DOCK2: variants seen among roughly 807,000 people sequenced by gnomAD.
DOCK2 encodes the protein dedicator of cytokinesis protein 2.
In DOCK2, 87 loss-of-function variants were observed where a neutral mutation model predicts 248.9. That is an observed-to-expected ratio of 0.35 (90% confidence interval 0.29 to 0.42). The LOEUF (loss-of-function observed/expected upper bound fraction) is 0.42. Among genes scored for constraint, DOCK2 ranks in the 10% least tolerant of loss-of-function variants. The pLI, the probability that DOCK2 is intolerant of heterozygous loss-of-function variation, is 1.00. For synonymous variants in DOCK2, 805 were observed against 821.6 expected, an observed-to-expected ratio of 0.98 and a Z score of 0.35; for missense variants, 1,747 against 2,300.2, an observed-to-expected ratio of 0.76 and a Z score of 4.92.
chr5:170,009,235 T>C (rs1330696960), intron 32 of DOCK2, among the ~76,000 whole-genome samples: 2 of 152,034 alleles, frequency 1.3e-5, no homozygotes, highest in Non-Finnish European at 2.9e-5. Context: ...GAATTCTGTG[T>C]GATTACCTGA....
intron 13 of DOCK2, 175 bp from the exon 14 acceptor site, chr5:169,702,128 C>T: frequency 3.3e-6 from 2 of 605,072 alleles, no homozygotes; most frequent in Non-Finnish European, 5.1e-6. Flanking sequence ...CCCCGTGTTA[C>T]CTACTTCTCC....
chr5:169,953,487 G>A (rs1213417237), intron 27 of DOCK2, among the ~76,000 whole-genome samples: 4 of 152,176 alleles, frequency 2.6e-5, no homozygotes, highest in Non-Finnish European at 4.4e-5. Flanking sequence ...ATGAAATGGA[G>A]GTCTTGGGGA....
chr5:169,925,578 T>TAAAAAAAAAAAAAAAAAAAA (rs1561828965), intron 27 of DOCK2, among the ~76,000 whole-genome samples: 1 of 32,324 alleles, frequency 3.1e-5, no homozygotes, highest in African/African-American at 1.3e-4. Flanking sequence ...AGACTCTGTC[T>TAAAAAAAAAAAAAAAAAAAA]TAAAAAAAAA....
intron 27 of DOCK2, among the ~76,000 whole-genome samples, chr5:169,946,284 G>A (rs1357958708): frequency 6.6e-6 from 1 of 152,180 alleles, no homozygotes; most frequent in Non-Finnish European, 1.5e-5. Context: ...ATCCAGCCCA[G>A]CCAGGGGTAT....
chr5:169,962,469 T>C (rs1264087495), intron 27 of DOCK2, among the ~76,000 whole-genome samples: 1 of 152,080 alleles, frequency 6.6e-6, no homozygotes, highest in East Asian at 1.9e-4. Flanking sequence ...AGCAAAGGTG[T>C]GAAGATGAAG....
intron 27 of DOCK2, among the ~76,000 whole-genome samples, chr5:169,879,765 T>A (rs1257433758): frequency 6.6e-6 from 1 of 152,194 alleles, no homozygotes; most frequent in African/African-American, 2.4e-5. Context: ...GGCCATTTAA[T>A]TAAAGACCCT....
At chr5:169,807,424 T>C (rs1767448151) in intron 26 of DOCK2, among the ~76,000 whole-genome samples, 1 of 152,176 alleles carries the variant, frequency 6.6e-6, no homozygotes, top group African/African-American at 2.4e-5. Context: ...ACCATTGCTC[T>C]AATATGACCT....
intron 40 of DOCK2, among the ~76,000 whole-genome samples, chr5:170,049,800 G>A (rs1756850266): frequency 6.6e-6 from 1 of 152,188 alleles, no homozygotes. Context: ...GACTAACATG[G>A]TCAGGAAGGA....
At chr5:169,642,196 C>T (rs1414400500) in intron 1 of DOCK2, among the ~76,000 whole-genome samples, 1 of 152,244 alleles carries the variant, frequency 6.6e-6, no homozygotes, top group Non-Finnish European at 1.5e-5. Flanking sequence ...GAGAGCATCA[C>T]TCACTCATTA....
intron 35 of DOCK2, 37 bp downstream of exon 35, chr5:170,034,592 C>A: frequency 6.2e-7 from 1 of 1,609,960 alleles, no homozygotes; most frequent in Non-Finnish European, 8.5e-7. Context: ...AGACCAGAAC[C>A]CTGTGGGGGG....
At chr5:169,796,824 GAGA>G (rs1766683754) in intron 25 of DOCK2, among the ~76,000 whole-genome samples, 1 of 152,300 alleles carries the variant, frequency 6.6e-6, no homozygotes, top group African/African-American at 2.4e-5. Context: ...AAAAATTCAG[GAGA>G]AGGAGAGAGT....
intron 27 of DOCK2, chr5:169,884,038 T>A (rs1772828891): frequency 4.2e-6 from 3 of 711,710 alleles, no homozygotes; most frequent in Non-Finnish European, 2.1e-6. Context: ...CCTCTTAGTA[T>A]GGGAAATCCT....
chr5:169,697,805 C>T (rs1453558463), intron 10 of DOCK2, among the ~76,000 whole-genome samples: 1 of 152,124 alleles, frequency 6.6e-6, no homozygotes, highest in Non-Finnish European at 1.5e-5. Context: ...TCTATAATCC[C>T]CATTCTAGTG....
At chr5:170,019,943 T>G (rs1335403403) in intron 33 of DOCK2, among the ~76,000 whole-genome samples, 1 of 152,116 alleles carries the variant, frequency 6.6e-6, no homozygotes, top group African/African-American at 2.4e-5. Context: ...CCAGTGCATC[T>G]ACCTCTTATT....
At chr5:169,823,605 T>C (rs1768629890) in intron 26 of DOCK2, among the ~76,000 whole-genome samples, 1 of 152,194 alleles carries the variant, frequency 6.6e-6, no homozygotes, top group South Asian at 2.1e-4. Context: ...AAATTAGGTA[T>C]TGATGGGACG....
chr5:169,716,087 G>A (rs112131138), intron 19 of DOCK2, 126 bp from the exon 20 acceptor site: 15 of 846,114 alleles, frequency 1.8e-5, no homozygotes, highest in South Asian at 6.7e-5. Flanking sequence ...TACTCTAGAC[G>A]TTTTGAGCAT....
chr5:169,683,645 A>G (rs1759795369), intron 7 of DOCK2, among the ~76,000 whole-genome samples: 1 of 152,118 alleles, frequency 6.6e-6, no homozygotes, highest in African/African-American at 2.4e-5. Flanking sequence ...GTTGTATCTC[A>G]TTGTAGTTTT....
chr5:169,779,777 C>T (rs1034111914), intron 25 of DOCK2, among the ~76,000 whole-genome samples: 2 of 152,226 alleles, frequency 1.3e-5, no homozygotes, highest in African/African-American at 4.8e-5. Flanking sequence ...TCCCCCTTTC[C>T]CCTTGCTCTC....
intron 27 of DOCK2, among the ~76,000 whole-genome samples, chr5:169,955,854 A>G (rs373607394): frequency 3.9e-5 from 6 of 152,266 alleles, no homozygotes; most frequent in African/African-American, 1.4e-4. Context: ...TTCATGTCTC[A>G]TGGTCAAGGT....
Sources: gnomAD v4.1 joint callset for allele counts (sites outside exome capture counted in the v4.1 genomes callset) on GRCh38, gnomAD v4.1.1 for gene constraint, MANE v1.5 for transcripts, NCBI Gene and HGNC (gene_info 2026-07-23, HGNC 2026-07-21) for gene names.